Variants in FREM2 observed in about 807,000 individuals in gnomAD.
FREM2 encodes FRAS1-related extracellular matrix protein 2.
A neutral mutation model predicts 219.9 loss-of-function variants in FREM2; 119 were observed. That is an observed-to-expected ratio of 0.54 (90% CI 0.47 to 0.63). The LOEUF (loss-of-function observed/expected upper bound fraction) is 0.63. Among genes scored for constraint, FREM2 ranks in the 30% least tolerant of loss-of-function variants. FREM2 has a pLI of 0.00. For missense variants in FREM2, 4,030 were observed against 3,993.6 expected (o/e 1.01, Z -0.25); for synonymous variants, 1,562 against 1,522.8 (o/e 1.03, Z -0.60).
At chr13:38,718,208 T>C (rs1474012341) in intron 2 of FREM2, among the ~76,000 whole-genome samples, 4 of 152,240 alleles carry the variant, frequency 2.6e-5, no homozygotes, top group Non-Finnish European at 5.9e-5. Context: ...TATTCCACTG[T>C]ATGACTACCT....
At chr13:38,766,884 T>C (rs1274859088) in intron 3 of FREM2, among the ~76,000 whole-genome samples, 1 of 152,218 alleles carries the variant, frequency 6.6e-6, no homozygotes, top group African/African-American at 2.4e-5. Flanking sequence ...AATATTTTAT[T>C]GAGTACTCAT....
At chr13:38,816,292 CAGGTT>C (rs1220975833) in intron 6 of FREM2, among the ~76,000 whole-genome samples, 2 of 152,086 alleles carry the variant, frequency 1.3e-5, no homozygotes, top group African/African-American at 4.8e-5. Flanking sequence ...AGAAAAACTA[CAGGTT>C]AGGATCTCCA....
chr13:38,750,066 A>G (rs889561177), intron 2 of FREM2, among the ~76,000 whole-genome samples: 1 of 152,196 alleles, frequency 6.6e-6, no homozygotes, highest in African/African-American at 2.4e-5. Flanking sequence ...TGTAGTATGC[A>G]TTTGGATTTT....
In FREM2 at chr13:38,690,998, T is replaced by C. The variant is rs544713657; in HGVS notation, c.3654T>C (p.Ala1218=). 3.7e-6 allele frequency: 6 copies of C among 1,614,182 alleles called. No individual in the cohort carries two copies. The African/African-American group carries it at 5.3e-5, about 14-fold the overall frequency. The change falls in exon 1 of 24, where the codon GCT becomes GCC. Residue 1218 remains alanine (A), a synonymous_variant. Coordinates refer to ENST00000280481, the MANE Select transcript of FREM2 (RefSeq NM_207361.6). ...IDTPILNAAD[A]DVPLDDLTFT... Reference sequence around the variant, plus strand: ...CACCCATTCTCAATGCTGCTGATGCTGATGTTCCCCTGGATGATTTAACTT... The same window carrying C: ...CACCCATTCTCAATGCTGCTGATGCCGATGTTCCCCTGGATGATTTAACTT...
At chr13:38,693,688 T>G (rs1279596519) in intron 1 of FREM2, among the ~76,000 whole-genome samples, 1 of 152,200 alleles carries the variant, frequency 6.6e-6, no homozygotes, top group African/African-American at 2.4e-5. Context: ...GGGGTGTTCT[T>G]TTCCTGCAAC....
rs140966546 is a variant in FREM2, at chr13:38,864,216, A to G, written c.7652-59A>G. Reference sequence around the variant, plus strand: ...TTCTTAAGAGATAAAGAAGTTTTAAAGTGTTCAAAATTCTTGGCTACTTGA... The same window carrying G: ...TTCTTAAGAGATAAAGAAGTTTTAAGGTGTTCAAAATTCTTGGCTACTTGA... On this transcript the variant is annotated intron_variant, in intron 15 of 23. Coordinates refer to ENST00000280481, the MANE Select transcript of FREM2 (RefSeq NM_207361.6). 3,975 of 1,303,546 alleles carry G rather than the reference A, an allele frequency of 3.0e-3. 9 individuals carry two copies. Among genetic ancestry groups the G allele is most frequent in the Non-Finnish European group, 3.9e-3 (3,521 of 899,694 alleles). The allele number at this position is 1,303,546 out of a possible 1,614,324, so 80.7% of individuals were successfully genotyped here.
Position 38,876,009 on chromosome 13 carries a change from G to A in FREM2, c.8282-13G>A. The A allele has an allele frequency of 6.2e-7, 1 of 1,610,088 alleles. No individual in the cohort carries two copies. On this transcript the variant is annotated splice_polypyrimidine_tract_variant and intron_variant, in intron 18 of 23. Coordinates refer to ENST00000280481, the MANE Select transcript of FREM2 (RefSeq NM_207361.6). ...CCACTATATCATTATTATAATTACTGGCACTTTCCTAGCATCCTTTACAAG... is the reference window on the plus strand; with the variant it reads ...CCACTATATCATTATTATAATTACTAGCACTTTCCTAGCATCCTTTACAAG...
At chr13:38,743,950 A>G (rs1469592916) in intron 2 of FREM2, among the ~76,000 whole-genome samples, 1 of 152,218 alleles carries the variant, frequency 6.6e-6, no homozygotes, top group Non-Finnish European at 1.5e-5. Flanking sequence ...TATATGTTTT[A>G]TAGAAATAAT....
Position 38,848,337 on chromosome 13 carries a change from G to A in FREM2, c.6170-124G>A. ...TGCCTTTTATTAAATGTACTTTTCT[G>A]TAGAGTTATGCTGGTCTCTATTTTT... On this transcript the variant is annotated intron_variant, in intron 7 of 23. Coordinates refer to ENST00000280481, the MANE Select transcript of FREM2 (RefSeq NM_207361.6). 6 of 756,532 alleles carry A rather than the reference G, an allele frequency of 7.9e-6. No individual in the cohort carries two copies. The South Asian group carries it at 9.1e-5, about 11-fold the overall frequency. The allele number at this position is 756,532 out of a possible 1,614,324, so 46.9% of individuals were successfully genotyped here.
intron 17 of FREM2, among the ~76,000 whole-genome samples, chr13:38,874,024 T>C (rs1220240168): frequency 6.6e-6 from 1 of 152,204 alleles, no homozygotes; most frequent in East Asian, 1.9e-4. Flanking sequence ...TGTTTCCATC[T>C]GATTTCTGGA....
At chr13:38,844,453 A>G (rs1242621660) in intron 6 of FREM2, among the ~76,000 whole-genome samples, 2 of 152,196 alleles carry the variant, frequency 1.3e-5, no homozygotes, top group Non-Finnish European at 2.9e-5. Context: ...TTTCTTATAA[A>G]AACTACACAT....
At position 38,828,292 on chromosome 13, in the gene FREM2, A is replaced by C. The variant is rs186728596; in HGVS notation, c.6020-18281A>C. On this transcript the variant is annotated intron_variant, in intron 6 of 23. Transcript: ENST00000280481. ...GGAAGATTGAGTTAGTAGATAGATAAAGACAGAAATATATATAAAGTGCTT... is the reference window on the plus strand; with the variant it reads ...GGAAGATTGAGTTAGTAGATAGATACAGACAGAAATATATATAAAGTGCTT... Among the ~76,000 whole-genome samples, 838 of 152,274 alleles carry C rather than the reference A, an allele frequency of 5.5e-3. 5 individuals carry two copies. Among genetic ancestry groups the C allele is most frequent in the Non-Finnish European group, 8.0e-3 (543 of 68,010 alleles).
rs774983268 is a variant in FREM2, at chr13:38,783,202, C to G, written c.5767+7C>G. The G allele has an allele frequency of 6.2e-7, 1 of 1,613,830 alleles. No individual in the cohort carries two copies. Among genetic ancestry groups the G allele is most frequent in the South Asian group, 1.1e-5 (1 of 91,062 alleles). ...GTCTGTTATACCCAACAAGGTAGCT[C>G]GATTTGCCGAAAAACTAAGATAACC... On this transcript the variant is annotated splice_region_variant and intron_variant, in intron 5 of 23. Coordinates refer to ENST00000280481, the MANE Select transcript of FREM2 (RefSeq NM_207361.6).
At chr13:38,857,553 AAGAC>A (rs1877606075) in intron 12 of FREM2, among the ~76,000 whole-genome samples, 1 of 152,152 alleles carries the variant, frequency 6.6e-6, no homozygotes, top group Admixed American at 6.5e-5. Context: ...TCACAACCCC[AAGAC>A]ACATTTAGCT....
At position 38,824,333 on chromosome 13, in the gene FREM2, T is replaced by A. The variant is rs1876187434; in HGVS notation, c.6020-22240T>A. On this transcript the variant is annotated intron_variant, in intron 6 of 23. Transcript: ENST00000280481. ...TTCTGGCTCTGTCTTATAAGGTATA[T>A]GTTCTTGGGATAATTATCTAACCCT... Among the ~76,000 whole-genome samples, 4 of 152,112 alleles carry A rather than the reference T, an allele frequency of 2.6e-5. No individual in the cohort carries two copies. In the South Asian group the frequency reaches 8.3e-4, roughly 31 times the overall value.
chr13:38,727,917 G>A (rs1434890822), intron 2 of FREM2, among the ~76,000 whole-genome samples: 1 of 152,172 alleles, frequency 6.6e-6, no homozygotes, highest in Non-Finnish European at 1.5e-5. Context: ...ATCCAAGCTT[G>A]TAATCTGAGC....
chr13:38,843,660 A>G (rs1877043200), intron 6 of FREM2, among the ~76,000 whole-genome samples: 1 of 152,202 alleles, frequency 6.6e-6, no homozygotes, highest in African/African-American at 2.4e-5. Context: ...TCTATAACTC[A>G]ACTTACTGCT....
At chr13:38,699,692 T>G (rs938283891) in intron 2 of FREM2, among the ~76,000 whole-genome samples, 1 of 152,094 alleles carries the variant, frequency 6.6e-6, no homozygotes, top group Non-Finnish European at 1.5e-5. Context: ...AGAATTTACT[T>G]TAATTCCCCT....
At position 38,691,315 on chromosome 13, in the gene FREM2, A is replaced by G. The variant is rs1352980099; in HGVS notation, c.3971A>G (p.Asn1324Ser). 2.5e-6 allele frequency: 4 copies of G among 1,614,120 alleles called. No individual in the cohort carries two copies. Among genetic ancestry groups the G allele is most frequent in the Non-Finnish European group, 3.4e-6 (4 of 1,179,944 alleles). ...IEIGDTKIIN[N>S]KILMATDLDS... ...ATTGGGGATACCAAGATTATCAACA[A>G]CAAAATATTAATGGCAACAGATTTA... is the stretch of plus-strand genomic sequence containing the variant. Residue 1324 changes from asparagine (N) to serine (S), a missense_variant, in exon 1 of 24, where the codon AAC (asparagine) becomes AGC (serine). Asn to Ser is a conservative substitution (Grantham distance 46). This residue lies in a region of FREM2 where 3,102 missense variants were observed against 2,950.7 expected (regional missense o/e 1.05). Coordinates refer to ENST00000280481, the MANE Select transcript of FREM2 (RefSeq NM_207361.6).
Sources: allele counts gnomAD v4.1 joint callset (sites outside exome capture counted in the v4.1 genomes callset), GRCh38; gene constraint gnomAD v4.1.1; regional missense constraint gnomAD v4.1.1; transcripts MANE v1.5; gene names NCBI Gene and HGNC (gene_info 2026-07-23, HGNC 2026-07-21).